Variants in UPF3A observed in about 807,000 individuals in gnomAD.
UPF3A encodes regulator of nonsense transcripts 3A.
Under a neutral mutation model 53.5 loss-of-function variants are expected in UPF3A, and 42 were observed. The ratio of observed to expected loss-of-function variants is 0.78; its 90% CI spans 0.61 to 1.01. The LOEUF (loss-of-function observed/expected upper bound fraction) is 1.01. Ranked by LOEUF, UPF3A falls within the 50% of genes least tolerant of loss-of-function variation. The probability of loss-of-function intolerance (pLI) is 0.00; values close to 1 mark genes in which losing one functional copy is unlikely to be tolerated. For synonymous variants in UPF3A, 237 were observed against 225.3 expected, an observed-to-expected ratio of 1.05 and a Z score of -0.47; for missense variants, 575 against 598.0, an observed-to-expected ratio of 0.96 and a Z score of 0.40.
intron 5 of UPF3A, 45 bp downstream of exon 5, chr13:114,286,674 C>T: frequency 2.0e-6 from 3 of 1,475,590 alleles, no homozygotes; most frequent in Middle Eastern, 1.8e-4. Context: ...GAGAGATTTA[C>T]TCGTAGAGGA....
chr13:114,303,096 CT>C (rs2086741104), intron 9 of UPF3A, among the ~76,000 whole-genome samples: 1 of 151,628 alleles, frequency 6.6e-6, no homozygotes, highest in Non-Finnish European at 1.5e-5. Flanking sequence ...GCAAAATTAC[CT>C]CTAAAAAAAA....
chr13:114,283,437 T>C (rs1024461076), intron 3 of UPF3A: 5 of 152,356 alleles, frequency 3.3e-5, no homozygotes, highest in Non-Finnish European at 7.3e-5. Flanking sequence ...TATTATTTAA[T>C]CCAAAAAAAT....
chr13:114,301,379 T>C (rs141661702), intron 8 of UPF3A, among the ~76,000 whole-genome samples: 4,235 of 150,938 alleles, frequency 0.028, 205 homozygotes, highest in African/African-American at 0.098. Context: ...AGGAGGATGG[T>C]GTGAACCCAG....
chr13:114,295,322 G>A (rs1003907215), intron 7 of UPF3A, among the ~76,000 whole-genome samples: 5 of 140,834 alleles, frequency 3.6e-5, no homozygotes, highest in Admixed American at 7.3e-5. Flanking sequence ...TCCCCAGCTC[G>A]TCTCCAGCAG....
intron 5 of UPF3A, among the ~76,000 whole-genome samples, chr13:114,290,367 T>A (rs1286066695): frequency 1.3e-5 from 2 of 152,200 alleles, no homozygotes; most frequent in African/African-American, 4.8e-5. Flanking sequence ...TCCTGATTCA[T>A]TCCTGGTCCT....
intron 7 of UPF3A, among the ~76,000 whole-genome samples, chr13:114,292,246 TCA>T (rs1566747129): frequency 6.9e-6 from 1 of 145,024 alleles, no homozygotes; most frequent in Admixed American, 6.8e-5. Flanking sequence ...TGCAGATGTG[TCA>T]CATGTTCATT....
intron 8 of UPF3A, among the ~76,000 whole-genome samples, chr13:114,299,460 G>A (rs2086381969): frequency 6.6e-6 from 1 of 152,188 alleles, no homozygotes; most frequent in African/African-American, 2.4e-5. Flanking sequence ...GATCTTTTGT[G>A]ATAGAGAAAC....
chr13:114,294,820 G>A (rs561724027), intron 7 of UPF3A, among the ~76,000 whole-genome samples: 45 of 150,608 alleles, frequency 3.0e-4, no homozygotes, highest in Non-Finnish European at 4.7e-4. Flanking sequence ...GCGAGACTCC[G>A]TCTCAAAAAG....
intron 5 of UPF3A, among the ~76,000 whole-genome samples, chr13:114,288,561 A>G (rs2084960278): frequency 6.6e-6 from 1 of 152,216 alleles, no homozygotes; most frequent in African/African-American, 2.4e-5. Flanking sequence ...GGGCACTGCA[A>G]GACATTTAGA....
At chr13:114,295,774 CTT>C (rs2085922141) in intron 7 of UPF3A, among the ~76,000 whole-genome samples, 2 of 152,330 alleles carry the variant, frequency 1.3e-5, no homozygotes, top group Admixed American at 6.5e-5. Flanking sequence ...AGGGGCACCT[CTT>C]GTCTCATTCA....
At chr13:114,296,687 C>T (rs71449095) in intron 7 of UPF3A, among the ~76,000 whole-genome samples, 4,521 of 152,234 alleles carry the variant, frequency 0.03, 114 homozygotes, top group Non-Finnish European at 0.044. Flanking sequence ...TTGGAACTGT[C>T]GTCTGAAAGG....
intron 5 of UPF3A, among the ~76,000 whole-genome samples, chr13:114,288,897 A>G (rs893140035): frequency 6.6e-6 from 1 of 152,172 alleles, no homozygotes; most frequent in Non-Finnish European, 1.5e-5. Context: ...AGAAGCAGCA[A>G]ATTAGACGTT....
rs1169371107 is a variant in UPF3A, at chr13:114,292,890, T to C, written c.846+1098T>C. Among the ~76,000 whole-genome samples, 6 of 151,812 alleles carry C rather than the reference T, an allele frequency of 4.0e-5. No individual in the cohort carries two copies. The East Asian group carries it at 9.7e-4, about 25-fold the overall frequency. ...GAGTTCGAGATCACCCTGACTAACA[T>C]GGTGAAACCCTGTCTCTACTAAAAA... On this transcript the variant is annotated intron_variant, in intron 7 of 9. Transcript: ENST00000375299.
At chr13:114,294,863 G>A (rs941739330) in intron 7 of UPF3A, among the ~76,000 whole-genome samples, 32 of 141,928 alleles carry the variant, frequency 2.3e-4, no homozygotes, top group Admixed American at 5.7e-4. Flanking sequence ...CTGTAATCCT[G>A]GCACTTTGGG....
At chr13:114,291,103 A>G (rs2085231327) in intron 5 of UPF3A, among the ~76,000 whole-genome samples, 1 of 152,208 alleles carries the variant, frequency 6.6e-6, no homozygotes, top group South Asian at 2.1e-4. Flanking sequence ...TATGGAGTAT[A>G]TATTGTAAGA....
intron 8 of UPF3A, among the ~76,000 whole-genome samples, chr13:114,301,490 A>G (rs182402634): frequency 2.0e-5 from 3 of 151,770 alleles, no homozygotes; most frequent in Admixed American, 6.6e-5. Flanking sequence ...GTACCTTAGT[A>G]TAAGGCATAT....
At chr13:114,291,265 C>G (rs7337695) in intron 5 of UPF3A, among the ~76,000 whole-genome samples, 9,693 of 152,170 alleles carry the variant, frequency 0.064, 319 homozygotes, top group Middle Eastern at 0.15. Context: ...TTAAGCCTCC[C>G]TTAAGAATCA....
At chr13:114,285,927 A>G (rs940108028) in intron 3 of UPF3A, 9 of 192,378 alleles carry the variant, frequency 4.7e-5, no homozygotes, top group African/African-American at 2.1e-4. Flanking sequence ...GAGGTCAGGT[A>G]TATTGAGGTG....
chr13:114,301,395 G>A (rs1341717104), intron 8 of UPF3A, among the ~76,000 whole-genome samples: 1 of 151,712 alleles, frequency 6.6e-6, no homozygotes. Context: ...CCCAGGAGGC[G>A]GAGCTTTCAG....
Sources: gnomAD v4.1 joint callset for allele counts (sites outside exome capture counted in the v4.1 genomes callset) on GRCh38, gnomAD v4.1.1 for gene constraint, MANE v1.5 for transcripts, NCBI Gene and HGNC (gene_info 2026-07-23, HGNC 2026-07-21) for gene names.